UNC5D: variants seen among roughly 807,000 people sequenced by gnomAD.
UNC5D encodes the protein unc-5 netrin receptor D, also known as netrin receptor UNC5D.
In UNC5D, 39 loss-of-function variants were observed where a neutral mutation model predicts 105.4. The ratio of observed to expected loss-of-function variants is 0.37; its 90% CI spans 0.29 to 0.48. The LOEUF (loss-of-function observed/expected upper bound fraction) is 0.48. UNC5D is among the 20% of genes least tolerant of loss of function. The pLI is 0.98. For synonymous variants in UNC5D, 452 were observed against 450.4 expected, an observed-to-expected ratio of 1.00 and a Z score of -0.04; for missense variants, 991 against 1,202.4, an observed-to-expected ratio of 0.82 and a Z score of 2.60.
chr8:35,567,497 A>G (rs954390733), intron 2 of UNC5D, among the ~76,000 whole-genome samples: 2 of 152,170 alleles, frequency 1.3e-5, no homozygotes, highest in African/African-American at 2.4e-5. Context: ...CGCTTAAAAA[A>G]AAAATACTTA....
chr8:35,339,234 A>G (rs919194013), intron 1 of UNC5D, among the ~76,000 whole-genome samples: 8 of 152,216 alleles, frequency 5.3e-5, no homozygotes, highest in Non-Finnish European at 1.0e-4. Context: ...AATGGTATAT[A>G]AGATCCAGGA....
chr8:35,252,236 T>C (rs1803757108), intron 1 of UNC5D, among the ~76,000 whole-genome samples: 1 of 152,136 alleles, frequency 6.6e-6, no homozygotes, highest in Non-Finnish European at 1.5e-5. Flanking sequence ...TTGTGATTTA[T>C]TTAATTGTTG....
chr8:35,368,045 G>T (rs113467831), intron 1 of UNC5D, among the ~76,000 whole-genome samples: 8 of 152,200 alleles, frequency 5.3e-5, no homozygotes, highest in East Asian at 1.9e-4. Context: ...GTGGGAAAGC[G>T]CATGGTGAAG....
chr8:35,262,875 T>C (rs779398763), intron 1 of UNC5D, among the ~76,000 whole-genome samples: 1 of 152,234 alleles, frequency 6.6e-6, no homozygotes, highest in Non-Finnish European at 1.5e-5. Flanking sequence ...TCATATTCCA[T>C]AGTACGATTA....
chr8:35,530,138 A>G (rs1814233240), intron 1 of UNC5D, among the ~76,000 whole-genome samples: 1 of 152,122 alleles, frequency 6.6e-6, no homozygotes, highest in African/African-American at 2.4e-5. Context: ...TTCAAAGGGA[A>G]TGCTTCCAGT....
At chr8:35,415,203 G>A (rs1031222547) in intron 1 of UNC5D, among the ~76,000 whole-genome samples, 1 of 152,110 alleles carries the variant, frequency 6.6e-6, no homozygotes, top group Non-Finnish European at 1.5e-5. Flanking sequence ...TTCTAAGTCT[G>A]TAATTGATCA....
chr8:35,657,305 T>C (rs1823841160), intron 4 of UNC5D, among the ~76,000 whole-genome samples: 1 of 151,596 alleles, frequency 6.6e-6, no homozygotes, highest in Admixed American at 6.6e-5. Context: ...TATAAAGCTT[T>C]ATGATCCCTG....
chr8:35,757,691 T>C (rs78785497), intron 13 of UNC5D, among the ~76,000 whole-genome samples: 1 of 152,276 alleles, frequency 6.6e-6, no homozygotes, highest in African/African-American at 2.4e-5. Flanking sequence ...AGCTCCAACA[T>C]AGCTCTGATG....
chr8:35,451,126 C>T (rs1196171723), intron 1 of UNC5D, among the ~76,000 whole-genome samples: 2 of 150,416 alleles, frequency 1.3e-5, no homozygotes, highest in African/African-American at 4.9e-5. Context: ...TCACTGCAAC[C>T]TCTGCCTCCT....
At chr8:35,592,367 A>C (rs952415563) in intron 3 of UNC5D, among the ~76,000 whole-genome samples, 4 of 152,132 alleles carry the variant, frequency 2.6e-5, no homozygotes, top group African/African-American at 9.7e-5. Flanking sequence ...CTTCTCTTGT[A>C]GTATAATTCT....
chr8:35,459,267 G>A (rs1021895412), intron 1 of UNC5D, among the ~76,000 whole-genome samples: 3 of 152,162 alleles, frequency 2.0e-5, no homozygotes, highest in African/African-American at 7.2e-5. Context: ...CTCATTTGGG[G>A]TGGCTTGGTC....
chr8:35,617,184 C>T (rs1285528752), intron 4 of UNC5D, among the ~76,000 whole-genome samples: 1 of 152,212 alleles, frequency 6.6e-6, no homozygotes, highest in Admixed American at 6.5e-5. Context: ...GCCACAGCTT[C>T]TGCTGGTGAT....
At position 35,568,129 on chromosome 8, in the gene UNC5D, T is replaced by A; in HGVS notation, c.354T>A (p.Val118=). Residue 118 remains valine, a synonymous_variant, in exon 3 of 17, where the codon GTT becomes GTA. Coordinates refer to ENST00000404895, the MANE Select transcript of UNC5D (RefSeq NM_080872.4). ...GLKVREVFIN[V]TRQQVEDFHG... is the part of the protein sequence containing the mutation. ...AGGTCCGCGAAGTGTTCATCAATGT[T>A]ACTAGGCAACAGGTGGAGGACTTCC... is the stretch of plus-strand genomic sequence containing the variant. 1 of 1,614,212 alleles carries A rather than the reference T, an allele frequency of 6.2e-7. No individual in the cohort carries two copies. Among genetic ancestry groups the A allele is most frequent in the African/African-American group, 1.3e-5 (1 of 75,068 alleles).
At chr8:35,747,094 C>T (rs1830046804) in intron 11 of UNC5D, among the ~76,000 whole-genome samples, 1 of 152,204 alleles carries the variant, frequency 6.6e-6, no homozygotes, top group African/African-American at 2.4e-5. Flanking sequence ...CCATTTTGGA[C>T]TGTGGTTACT....
intron 1 of UNC5D, among the ~76,000 whole-genome samples, chr8:35,445,852 A>T (rs900308333): frequency 3.9e-5 from 6 of 152,098 alleles, no homozygotes; most frequent in African/African-American, 1.4e-4. Flanking sequence ...TTTATTTATG[A>T]GTGATCAAAA....
At chr8:35,557,903 G>A (rs952300852) in intron 2 of UNC5D, among the ~76,000 whole-genome samples, 2 of 151,976 alleles carry the variant, frequency 1.3e-5, no homozygotes, top group Admixed American at 6.6e-5. Context: ...AGGCCGAGGC[G>A]GGTGGATCAC....
chr8:35,749,047 G>A (rs1830135431), intron 12 of UNC5D, among the ~76,000 whole-genome samples: 1 of 152,176 alleles, frequency 6.6e-6, no homozygotes, highest in African/African-American at 2.4e-5. Flanking sequence ...AGTTAGGGAG[G>A]AGGTTCAGGG....
intron 1 of UNC5D, among the ~76,000 whole-genome samples, chr8:35,446,688 C>A (rs530384635): frequency 6.6e-6 from 1 of 152,154 alleles, no homozygotes; most frequent in South Asian, 2.1e-4. Flanking sequence ...TCTAATTTCG[C>A]AAATTCTGAC....
intron 3 of UNC5D, among the ~76,000 whole-genome samples, chr8:35,571,742 G>T (rs1817738829): frequency 1.3e-5 from 2 of 152,160 alleles, no homozygotes; most frequent in African/African-American, 2.4e-5. Context: ...TACATGAAAA[G>T]CTAAATTGGA....
Sources: gnomAD v4.1 joint callset for allele counts (sites outside exome capture counted in the v4.1 genomes callset) on GRCh38, gnomAD v4.1.1 for gene constraint, MANE v1.5 for transcripts, NCBI Gene and HGNC (gene_info 2026-07-23, HGNC 2026-07-21) for gene names.